Variants in CCDC60 observed in about 807,000 individuals in gnomAD.
CCDC60 encodes the protein coiled-coil domain-containing protein 60.
In CCDC60, 54 loss-of-function variants were observed where a neutral mutation model predicts 63.5. The ratio of observed to expected loss-of-function variants is 0.85; its 90% CI spans 0.68 to 1.07. The LOEUF (loss-of-function observed/expected upper bound fraction) is 1.07. CCDC60 is among the 50% of genes least tolerant of loss of function. The pLI is 0.00. For missense variants in CCDC60, 651 were observed against 684.3 expected (o/e 0.95, Z 0.54); for synonymous variants, 206 against 238.8 (o/e 0.86, Z 1.27).
chr12:119,502,052 G>C (rs1031689665), intron 6 of CCDC60, among the ~76,000 whole-genome samples: 4 of 152,110 alleles, frequency 2.6e-5, no homozygotes, highest in East Asian at 1.9e-4. Context: ...TGTATGTCTA[G>C]GCAGTGTTCA....
At chr12:119,346,717 A>G (rs900340606) in intron 1 of CCDC60, among the ~76,000 whole-genome samples, 1 of 150,132 alleles carries the variant, frequency 6.7e-6, no homozygotes, top group Non-Finnish European at 1.5e-5. Context: ...AAAAAAACAC[A>G]GCTAAGGATG....
intron 2 of CCDC60, among the ~76,000 whole-genome samples, chr12:119,429,081 A>G (rs1311037299): frequency 6.6e-6 from 1 of 152,128 alleles, no homozygotes; most frequent in Non-Finnish European, 1.5e-5. Context: ...GACACACGTG[A>G]TGATACCGTG....
At chr12:119,442,431 T>G (rs2136263237) in intron 2 of CCDC60, among the ~76,000 whole-genome samples, 1 of 152,302 alleles carries the variant, frequency 6.6e-6, no homozygotes, top group Middle Eastern at 3.4e-3. Context: ...CTGGGCAACA[T>G]GGCGAAACCA....
chr12:119,354,814 A>G (rs1318413942), intron 1 of CCDC60, among the ~76,000 whole-genome samples: 1 of 152,244 alleles, frequency 6.6e-6, no homozygotes, highest in Non-Finnish European at 1.5e-5. Context: ...TTCTAGTAGC[A>G]GTAGAATTCA....
chr12:119,534,419 C>A (rs1341609592), intron 13 of CCDC60, among the ~76,000 whole-genome samples: 2 of 152,132 alleles, frequency 1.3e-5, no homozygotes, highest in Admixed American at 1.3e-4. Flanking sequence ...CTTTCTCTTG[C>A]CTGATTGACC....
intron 2 of CCDC60, among the ~76,000 whole-genome samples, chr12:119,458,669 G>C (rs569717834): frequency 7.9e-5 from 12 of 152,204 alleles, no homozygotes; most frequent in Non-Finnish European, 1.6e-4. Flanking sequence ...GCCGATTCAG[G>C]TCATGGGAGA....
intron 4 of CCDC60, among the ~76,000 whole-genome samples, chr12:119,483,956 T>C (rs1951382222): frequency 6.6e-6 from 1 of 152,120 alleles, no homozygotes; most frequent in African/African-American, 2.4e-5. Context: ...TTTTTTAATT[T>C]GTTTCACTGC....
At chr12:119,494,665 C>A (rs117427650) in intron 5 of CCDC60, among the ~76,000 whole-genome samples, 3,768 of 152,282 alleles carry the variant, frequency 0.025, 74 homozygotes, top group Middle Eastern at 0.061. Flanking sequence ...GGCAACCAAC[C>A]ACACTTTGAG....
intron 2 of CCDC60, among the ~76,000 whole-genome samples, chr12:119,464,736 G>A (rs565414338): frequency 6.6e-6 from 1 of 152,144 alleles, no homozygotes; most frequent in African/African-American, 2.4e-5. Flanking sequence ...TTATAAACAG[G>A]ACCTAAAGCT....
At chr12:119,455,818 A>C (rs1950720558) in intron 2 of CCDC60, among the ~76,000 whole-genome samples, 1 of 149,260 alleles carries the variant, frequency 6.7e-6, no homozygotes, top group Non-Finnish European at 1.5e-5. Context: ...GAAGAAGAAA[A>C]GGAGGAGGAA....
chr12:119,395,731 C>G (rs1246268715), intron 1 of CCDC60, among the ~76,000 whole-genome samples: 2 of 152,188 alleles, frequency 1.3e-5, no homozygotes, highest in Admixed American at 1.3e-4. Flanking sequence ...CTCAAAACAG[C>G]AGACATTTAT....
chr12:119,478,957 T>C, intron 3 of CCDC60, 137 bp from the exon 4 acceptor site: 1 of 676,942 alleles, frequency 1.5e-6, no homozygotes, highest in Non-Finnish European at 2.6e-6. Flanking sequence ...GAAACCCTCA[T>C]CCCTCCAGCA....
At chr12:119,525,462 T>C (rs1377257915) in intron 11 of CCDC60, among the ~76,000 whole-genome samples, 1 of 152,166 alleles carries the variant, frequency 6.6e-6, no homozygotes, top group Non-Finnish European at 1.5e-5. Context: ...GCTGAAACCC[T>C]GTAAGCCAGA....
At chr12:119,527,789 G>A (rs576976517) in intron 11 of CCDC60, among the ~76,000 whole-genome samples, 2 of 145,056 alleles carry the variant, frequency 1.4e-5, no homozygotes, top group Admixed American at 7.1e-5. Flanking sequence ...CCATTCTCCC[G>A]CCTCAGTCTC....
At chr12:119,366,909 T>C (rs1374587368) in intron 1 of CCDC60, among the ~76,000 whole-genome samples, 1 of 152,192 alleles carries the variant, frequency 6.6e-6, no homozygotes, top group Non-Finnish European at 1.5e-5. Flanking sequence ...CTCGGCTCAC[T>C]GCAACTTCTG....
Position 119,528,678 on chromosome 12 carries a change from G to C in CCDC60, c.1293G>C (p.Lys431Asn), listed in dbSNP as rs1952757575. 1 of 1,613,870 alleles carries C rather than the reference G, an allele frequency of 6.2e-7. No individual in the cohort carries two copies. Among genetic ancestry groups the C allele is most frequent in the African/African-American group, 1.3e-5 (1 of 75,010 alleles). ...RAFVLVSNFQ[K>N]DIAKMRHHIS... is the part of the protein sequence containing the mutation. ...TTGTCCTTGTCTCAAATTTTCAAAA[G>C]GACATAGCAAAAATGAGACATCACA... Residue 431 changes from lysine to asparagine, a missense_variant, in exon 12 of 14, where the codon AAG (lysine) becomes AAC (asparagine). Coordinates refer to ENST00000327554, the MANE Select transcript of CCDC60 (RefSeq NM_178499.5).
intron 13 of CCDC60, among the ~76,000 whole-genome samples, chr12:119,540,280 G>A (rs1953121402): frequency 6.6e-6 from 1 of 152,146 alleles, no homozygotes; most frequent in Non-Finnish European, 1.5e-5. Flanking sequence ...AACCAAAAAC[G>A]TTTAACAACA....
chr12:119,532,399 T>TTATTATTAA (rs2136538051), intron 13 of CCDC60, among the ~76,000 whole-genome samples: 1 of 91,556 alleles, frequency 1.1e-5, no homozygotes, highest in East Asian at 8.1e-4. Context: ...CACAGAACTA[T>TTATTATTAA]TATTATTATT....
At chr12:119,506,438 CAAAA>C (rs35584778) in intron 7 of CCDC60, among the ~76,000 whole-genome samples, 1,910 of 87,360 alleles carry the variant, frequency 0.022, 54 homozygotes, top group African/African-American at 0.076. Flanking sequence ...CCTCATCTCT[CAAAA>C]AAAAAAAAAA....
Sources: gnomAD v4.1 joint callset for allele counts (sites outside exome capture counted in the v4.1 genomes callset) on GRCh38, gnomAD v4.1.1 for gene constraint, MANE v1.5 for transcripts, NCBI Gene and HGNC (gene_info 2026-07-23, HGNC 2026-07-21) for gene names.